The following RXRG variants were observed in gnomAD, a reference collection of about 807,000 sequenced individuals.
The protein encoded by RXRG is retinoid X receptor gamma.
Under a neutral mutation model 49.2 loss-of-function variants are expected in RXRG, and 19 were observed. The observed-to-expected ratio is 0.39, with a 90% CI of 0.27 to 0.57. The LOEUF is 0.57. RXRG is among the 20% of genes least tolerant of loss of function. The pLI is 0.64. For synonymous variants in RXRG, 224 were observed against 216.6 expected (o/e 1.03, Z -0.30); for missense variants, 452 against 592.5 (o/e 0.76, Z 2.46).
rs996324557 is a variant in RXRG at position 165,445,092 on chromosome 1, G to C, written c.-199C>G. On this transcript the variant is annotated 5_prime_UTR_variant, in exon 1 of 10. Transcript: ENST00000359842. ...GCCTCTAGATCGGAGAGTCCACATAGTGCGTTTGAGACGGCTGTGGCGGCA... is the reference window on the plus strand; with the variant it reads ...GCCTCTAGATCGGAGAGTCCACATACTGCGTTTGAGACGGCTGTGGCGGCA... 69 of 581,130 alleles carry C rather than the reference G, an allele frequency of 1.2e-4. No individual in the cohort carries two copies. The highest frequency in any genetic ancestry group is 1.1e-3 in the African/African-American group (59 of 53,706). The allele number at this position is 581,130 out of a possible 1,614,324, so 36.0% of individuals were successfully genotyped here.
chr1:165,401,922 A>C (rs1657586816), intron 9 of RXRG, among the ~76,000 whole-genome samples: 1 of 152,146 alleles, frequency 6.6e-6, no homozygotes, highest in Admixed American at 6.5e-5. Flanking sequence ...CCCCACAAAA[A>C]ATCTTTTTAA....
intron 1 of RXRG, among the ~76,000 whole-genome samples, chr1:165,443,620 CTG>C (rs1238802940): frequency 6.6e-6 from 1 of 152,200 alleles, no homozygotes; most frequent in Non-Finnish European, 1.5e-5. Flanking sequence ...AGGGCAGAGA[CTG>C]TGTCTCATTC....
At chr1:165,434,997 A>G (rs573180788) in intron 1 of RXRG, among the ~76,000 whole-genome samples, 2 of 152,314 alleles carry the variant, frequency 1.3e-5, no homozygotes, top group East Asian at 3.9e-4. Flanking sequence ...CAAGCCAGAC[A>G]TGGTTCTAAA....
chr1:165,427,926 AC>A lies in RXRG; in HGVS notation c.297+792del, dbSNP rs111350243. On this transcript the variant is annotated intron_variant, in intron 2 of 9. Transcript: ENST00000359842. The stretch of plus-strand genomic sequence containing the variant: ...GAGGAGCCTGCAGCTGAGCCCACTC[AC>A]CCACCATCTGAAGCAGAGCCATCTG... 6.1e-3 allele frequency among the ~76,000 whole-genome samples: 923 copies of A among 152,308 alleles called. 12 individuals are homozygous for A. The highest frequency in any genetic ancestry group is 0.021 in the African/African-American group (870 of 41,568).
chr1:165,429,447 A>G (rs1396480944), intron 1 of RXRG, among the ~76,000 whole-genome samples: 3 of 152,194 alleles, frequency 2.0e-5, no homozygotes, highest in African/African-American at 7.2e-5. Context: ...ATATGCAACA[A>G]ACATTTATTA....
chr1:165,424,752 C>T lies in RXRG; in HGVS notation c.297+3967G>A, dbSNP rs529601384. The T allele has an allele frequency of 1.5e-5, 15 of 985,088 alleles. No individual in the cohort carries two copies. In the East Asian group the frequency reaches 3.4e-4, roughly 22 times the overall value. 61.0% of individuals were successfully genotyped at this position (985,088 alleles called of 1,614,324 possible). ...CTTCACCCCCCAAATTGTACTTACG[C>T]GAGAACCAGGTCACAGAATGAACAT... On this transcript the variant is annotated intron_variant, in intron 2 of 9. Transcript: ENST00000359842.
In RXRG at chr1:165,410,847, A is replaced by G. The variant is rs751795302; in HGVS notation, c.784-16T>C. 2 of 1,614,086 alleles carry G rather than the reference A, an allele frequency of 1.2e-6. No individual in the cohort carries two copies. The highest frequency in any genetic ancestry group is 2.2e-5 in the South Asian group (2 of 91,074). ...GGTCATTTGTCTGAAAAAGGAACAA[A>G]GTACTGTGAGGCACAGGTCCCAGGA... is the stretch of plus-strand genomic sequence containing the variant. On this transcript the variant is annotated splice_polypyrimidine_tract_variant and intron_variant, in intron 5 of 9. Coordinates refer to ENST00000359842, the MANE Select transcript of RXRG (RefSeq NM_006917.5).
At chr1:165,422,854 G>T (rs1319500387) in intron 2 of RXRG, among the ~76,000 whole-genome samples, 1 of 152,180 alleles carries the variant, frequency 6.6e-6, no homozygotes, top group African/African-American at 2.4e-5. Flanking sequence ...AGGTCTGACT[G>T]CTTGGAGCCA....
chr1:165,409,557 C>G lies in RXRG; in HGVS notation c.1046+1G>C, dbSNP rs1186678145. ...AAATACTGGAAGCAGGAGAGAGACA[C>G]CTGTCAAAGATGGAGCCGACCCCAG... is the stretch of plus-strand genomic sequence containing the variant. On this transcript the variant is annotated splice_donor_variant, in intron 7 of 9. Transcript: ENST00000359842. LOFTEE classifies it high-confidence loss of function. 6.8e-7 allele frequency: 1 copy of G among 1,474,698 alleles called. No homozygotes were observed. 91.4% of individuals were successfully genotyped at this position (1,474,698 alleles called of 1,614,324 possible).
chr1:165,408,359 T>C, intron 7 of RXRG, 41 bp from the exon 8 acceptor site: 2 of 1,435,072 alleles, frequency 1.4e-6, no homozygotes, highest in East Asian at 2.3e-5. Flanking sequence ...AAACCGTAAG[T>C]AACAGGCCAA....
chr1:165,409,723 A>G (rs1395999398), intron 6 of RXRG, 33 bp from the exon 7 acceptor site: 4 of 1,435,258 alleles, frequency 2.8e-6, no homozygotes, highest in South Asian at 1.7e-5. Flanking sequence ...TTGAGGGAAA[A>G]CAGAACACAT....
At chr1:165,428,259 T>C (rs969819151) in intron 2 of RXRG, among the ~76,000 whole-genome samples, 1 of 152,238 alleles carries the variant, frequency 6.6e-6, no homozygotes, top group African/African-American at 2.4e-5. Flanking sequence ...TCTGCCTTGT[T>C]CTCAACTTAT....
In RXRG at chr1:165,432,525, AT is replaced by A. The variant is rs567320833; in HGVS notation, c.50-3560del. ...ATGGAAAATTAATCTATTCTCCCAA[AT>A]AGACACTAATGCATACCTGTCTGTG... On this transcript the variant is annotated intron_variant, in intron 1 of 9. Coordinates refer to ENST00000359842, the MANE Select transcript of RXRG (RefSeq NM_006917.5). Among the ~76,000 whole-genome samples the A allele has an allele frequency of 1.8e-3, 277 of 152,200 alleles. 1 individual carries two copies. The highest frequency in any genetic ancestry group is 3.2e-3 in the Non-Finnish European group (220 of 68,032).
chr1:165,432,578 T>C (rs570088234), intron 1 of RXRG, among the ~76,000 whole-genome samples: 2 of 152,190 alleles, frequency 1.3e-5, no homozygotes, highest in East Asian at 3.9e-4. Context: ...CTCTCACTCC[T>C]TTTTTTTGTT....
At chr1:165,415,098 G>T (rs892068740) in intron 4 of RXRG, among the ~76,000 whole-genome samples, 7 of 152,178 alleles carry the variant, frequency 4.6e-5, no homozygotes, top group Non-Finnish European at 8.8e-5. Flanking sequence ...AAGGGTTGGG[G>T]GTGGCTGGTG....
chr1:165,407,448 C>T (rs283694), intron 8 of RXRG, among the ~76,000 whole-genome samples: 46,271 of 152,084 alleles, frequency 0.3, 7,258 homozygotes, highest in East Asian at 0.5. Context: ...GGACACCACC[C>T]TTCTGATTCT....
In RXRG at chr1:165,421,856, C is replaced by G. The variant is rs984192331; in HGVS notation, c.298-1842G>C. Among the ~76,000 whole-genome samples, 3 of 152,250 alleles carry G rather than the reference C, an allele frequency of 2.0e-5. No homozygotes were observed. In the South Asian group the frequency reaches 6.2e-4, roughly 32 times the overall value. On this transcript the variant is annotated intron_variant, in intron 2 of 9. Transcript: ENST00000359842. ...TGGCTCTGGCATTTCTTAATTTCAC[C>G]AGATGACATTAATGTGCATCCAGGG...
chr1:165,429,696 C>T (rs1312452347), intron 1 of RXRG, among the ~76,000 whole-genome samples: 1 of 152,158 alleles, frequency 6.6e-6, no homozygotes, highest in Admixed American at 6.5e-5. Context: ...CACAGAGGCC[C>T]AGGTAGCACA....
intron 1 of RXRG, among the ~76,000 whole-genome samples, chr1:165,438,785 T>C (rs1658892192): frequency 6.6e-6 from 1 of 152,230 alleles, no homozygotes; most frequent in Non-Finnish European, 1.5e-5. Context: ...ATTTACAACA[T>C]AATTAATTCA....
Sources: allele counts gnomAD v4.1 joint callset (sites outside exome capture counted in the v4.1 genomes callset), GRCh38; gene constraint gnomAD v4.1.1; transcripts MANE v1.5; gene names NCBI Gene and HGNC (gene_info 2026-07-23, HGNC 2026-07-21).